The following SFTPD variants were observed in gnomAD, a reference collection of about 807,000 sequenced individuals.
SFTPD encodes the protein surfactant protein D, also known as pulmonary surfactant-associated protein D.
In SFTPD, 18 loss-of-function variants were observed where a neutral mutation model predicts 34.6. The ratio of observed to expected loss-of-function variants is 0.52; its 90% CI spans 0.36 to 0.77. The LOEUF (loss-of-function observed/expected upper bound fraction) is 0.77. Among genes scored for constraint, SFTPD ranks in the 30% least tolerant of loss-of-function variants. The pLI is 0.00. For synonymous variants in SFTPD, 155 were observed against 180.9 expected (o/e 0.86, Z 1.15); for missense variants, 433 against 468.9 (o/e 0.92, Z 0.71).
intron 1 of SFTPD, chr10:79,982,282 G>A: frequency 6.0e-6 from 6 of 998,418 alleles, no homozygotes; most frequent in Non-Finnish European, 6.4e-6. Context: ...GGGCCACCGC[G>A]GGGCGGTTCC....
chr10:79,941,871 G>A (rs1842615382), intron 5 of SFTPD, 83 bp downstream of exon 5: 2 of 870,200 alleles, frequency 2.3e-6, no homozygotes, highest in Non-Finnish European at 3.9e-6. Context: ...TTTGTGGGTG[G>A]TGGAGGGGGT....
chr10:79,964,931 T>A (rs1842795278), intron 1 of SFTPD, among the ~76,000 whole-genome samples: 1 of 152,124 alleles, frequency 6.6e-6, no homozygotes, highest in Non-Finnish European at 1.5e-5. Flanking sequence ...CAGACATAAT[T>A]CCTTGGTTTG....
intron 1 of SFTPD, among the ~76,000 whole-genome samples, chr10:79,967,913 T>C (rs1014963068): frequency 1.3e-5 from 2 of 151,950 alleles, no homozygotes; most frequent in East Asian, 3.9e-4. Flanking sequence ...GACTGTAATT[T>C]TCCACTACCT....
Position 79,938,134 on chromosome 10 carries a change from T to TG in SFTPD, c.845dup (p.Gln283ThrfsTer14). The TG allele has an allele frequency of 6.2e-7, 1 of 1,613,684 alleles. No homozygotes were observed. Among genetic ancestry groups the TG allele is most frequent in the South Asian group, 1.1e-5 (1 of 91,078 alleles). ...GAGAGGCCAACTGTCCACCAGCCTG[T>TG]GTGCACAGCAGCTGTGCCTCCGTAA... On this transcript the variant is annotated frameshift_variant, in exon 8 of 8. Transcript: ENST00000372292. LOFTEE classifies it high-confidence loss of function.
intron 1 of SFTPD, among the ~76,000 whole-genome samples, chr10:79,973,713 C>T (rs576912820): frequency 6.6e-6 from 1 of 151,748 alleles, no homozygotes; most frequent in South Asian, 2.1e-4. Context: ...TTTACAATTC[C>T]ATTAGTCCTT....
At chr10:79,942,363 G>T in intron 4 of SFTPD, 25 bp downstream of exon 4, 2 of 1,484,706 alleles carry the variant, frequency 1.3e-6, no homozygotes, top group Non-Finnish European at 1.9e-6. Context: ...TCCCTTCTCA[G>T]ACTGGCCACA....
At chr10:79,959,385 G>A (rs1255147020) in intron 1 of SFTPD, among the ~76,000 whole-genome samples, 5 of 151,978 alleles carry the variant, frequency 3.3e-5, no homozygotes, top group African/African-American at 4.8e-5. Context: ...CAACAAAATC[G>A]ATAGACTGCT....
At chr10:79,940,987 G>C (rs1161706203) in intron 6 of SFTPD, among the ~76,000 whole-genome samples, 199 bp from the exon 7 acceptor site, 2 of 127,080 alleles carry the variant, frequency 1.6e-5, no homozygotes, top group Admixed American at 2.1e-4. Flanking sequence ...ATTGCTGCCT[G>C]TACTTCACTG....
At chr10:79,940,626 C>G (rs1842601161) in intron 7 of SFTPD, 79 bp downstream of exon 7, 1 of 953,966 alleles carries the variant, frequency 1.0e-6, no homozygotes, top group Non-Finnish European at 1.7e-6. Context: ...CTAGCCCCAG[C>G]CAAAGGCCAA....
At chr10:79,955,412 G>A (rs112930625) in intron 1 of SFTPD, among the ~76,000 whole-genome samples, 14 of 152,166 alleles carry the variant, frequency 9.2e-5, no homozygotes, top group African/African-American at 2.9e-4. Flanking sequence ...AAGTTGCAAA[G>A]AAAGACAAAT....
chr10:79,954,445 G>T (rs1842728114), intron 1 of SFTPD, among the ~76,000 whole-genome samples: 2 of 152,208 alleles, frequency 1.3e-5, no homozygotes, highest in African/African-American at 4.8e-5. Context: ...TGCTGCTGGG[G>T]TACACATTTG....
chr10:79,938,350 T>A, intron 7 of SFTPD, 122 bp from the exon 8 acceptor site: 1 of 824,408 alleles, frequency 1.2e-6, no homozygotes. Flanking sequence ...CGCATCAGGA[T>A]GCCAGAGAGA....
At chr10:79,966,635 G>A (rs1481717949) in intron 1 of SFTPD, among the ~76,000 whole-genome samples, 1 of 147,312 alleles carries the variant, frequency 6.8e-6, no homozygotes, top group Non-Finnish European at 1.5e-5. Flanking sequence ...TGCTTTTGAT[G>A]TTTTGGACAT....
At chr10:79,941,641 C>G in intron 5 of SFTPD, 127 bp from the exon 6 acceptor site, 2 of 721,188 alleles carry the variant, frequency 2.8e-6, no homozygotes, top group Non-Finnish European at 4.6e-6. Context: ...GTCCCCAGTA[C>G]CCAGCCATGC....
At chr10:79,946,263 G>A (rs180864535) in intron 2 of SFTPD, among the ~76,000 whole-genome samples, 198 bp downstream of exon 2, 319 of 152,306 alleles carry the variant, frequency 2.1e-3, no homozygotes, top group Non-Finnish European at 3.2e-3. Flanking sequence ...AGCTAGGGCA[G>A]TTGGGTGCTG....
Position 79,967,406 on chromosome 10 carries a change from C to G in SFTPD, c.36+15169G>C, listed in dbSNP as rs536773039. Among the ~76,000 whole-genome samples, 138 of 109,074 alleles carry G rather than the reference C, an allele frequency of 1.3e-3. 4 individuals are homozygous for G. Among genetic ancestry groups the G allele is most frequent in the African/African-American group, 4.7e-3 (120 of 25,286 alleles). The allele number at this position is 109,074 out of a possible 152,430, so 71.6% of individuals were successfully genotyped here. Reference sequence around the variant, plus strand: ...GGTAATTTACAGATTCAATGCCATCCCCATCAAGCTACCAATGACTTTCTT... The same window carrying G: ...GGTAATTTACAGATTCAATGCCATCGCCATCAAGCTACCAATGACTTTCTT... On this transcript the variant is annotated intron_variant, in intron 1 of 5. Transcript: ENST00000444384.
At chr10:79,973,911 C>T (rs1009569213) in intron 1 of SFTPD, among the ~76,000 whole-genome samples, 6 of 152,012 alleles carry the variant, frequency 3.9e-5, no homozygotes, top group South Asian at 2.1e-4. Context: ...AGCACAAGTG[C>T]CAGAAAATTC....
intron 1 of SFTPD, among the ~76,000 whole-genome samples, chr10:79,976,091 G>T (rs192571700): frequency 1.3e-5 from 2 of 152,238 alleles, no homozygotes; most frequent in African/African-American, 2.4e-5. Context: ...CAACACAGAA[G>T]TGGTGGGCTA....
chr10:79,981,449 C>G (rs186444978), intron 1 of SFTPD, among the ~76,000 whole-genome samples: 25 of 152,274 alleles, frequency 1.6e-4, no homozygotes, highest in African/African-American at 6.0e-4. Context: ...TATCAATATT[C>G]AAGTGTAAGA....
Sources: gnomAD v4.1 joint callset for allele counts (sites outside exome capture counted in the v4.1 genomes callset) on GRCh38, gnomAD v4.1.1 for gene constraint, MANE v1.5 for transcripts, NCBI Gene and HGNC (gene_info 2026-07-23, HGNC 2026-07-21) for gene names.